SLC2A9: variants seen among roughly 807,000 people sequenced by gnomAD.
The protein encoded by SLC2A9 is solute carrier family 2, facilitated glucose transporter member 9.
In SLC2A9, 39 loss-of-function variants were observed where a neutral mutation model predicts 50.6. That is an observed-to-expected ratio of 0.77 (90% confidence interval 0.60 to 1.01). The LOEUF is 1.01. SLC2A9 is among the 50% of genes least tolerant of loss of function. SLC2A9 has a pLI of 0.00. For synonymous variants in SLC2A9, 324 were observed against 276.9 expected (o/e 1.17, Z -1.69); for missense variants, 686 against 677.6 (o/e 1.01, Z -0.14).
At chr4:9,866,744 G>A (rs1212290531) in intron 10 of SLC2A9, among the ~76,000 whole-genome samples, 4 of 152,148 alleles carry the variant, frequency 2.6e-5, no homozygotes, top group Non-Finnish European at 5.9e-5. Flanking sequence ...CCATGCGTGT[G>A]AGCTGCATCT....
intron 3 of SLC2A9, among the ~76,000 whole-genome samples, chr4:9,801,584 G>A (rs930766381): frequency 1.6e-4 from 24 of 152,094 alleles, no homozygotes; most frequent in African/African-American, 4.1e-4. Context: ...GGTGGTTCTC[G>A]CAGACATTAA....
chr4:9,832,113 T>G (rs1049159731), intron 11 of SLC2A9, among the ~76,000 whole-genome samples: 2 of 152,064 alleles, frequency 1.3e-5, no homozygotes, highest in Admixed American at 6.6e-5. Context: ...GAGGCCCGAG[T>G]AGATGAACAC....
chr4:9,880,789 G>A (rs1215333889), intron 10 of SLC2A9, among the ~76,000 whole-genome samples: 1 of 152,188 alleles, frequency 6.6e-6, no homozygotes, highest in African/African-American at 2.4e-5. Context: ...CTCATGACCT[G>A]CACTTATCAT....
chr4:9,958,557 G>A (rs1578085169), intron 5 of SLC2A9, among the ~76,000 whole-genome samples: 2 of 152,242 alleles, frequency 1.3e-5, no homozygotes, highest in East Asian at 1.9e-4. Flanking sequence ...GGGTTGATAG[G>A]TGCAACAAAC....
intron 3 of SLC2A9, among the ~76,000 whole-genome samples, chr4:9,786,463 A>G (rs1266922081): frequency 1.3e-5 from 2 of 152,178 alleles, no homozygotes; most frequent in Non-Finnish European, 2.9e-5. Context: ...TTCATTTATT[A>G]CTGAAATAGT....
upstream of SLC2A9, among the ~76,000 whole-genome samples, chr4:10,022,791 C>G (rs568793746): frequency 1.3e-5 from 2 of 152,304 alleles, no homozygotes; most frequent in African/African-American, 4.8e-5. Flanking sequence ...AAACGTCCGG[C>G]CCTGACATGC....
intron 7 of SLC2A9, among the ~76,000 whole-genome samples, chr4:9,917,920 T>C (rs1743181701): frequency 1.3e-5 from 2 of 152,066 alleles, no homozygotes; most frequent in Non-Finnish European, 2.9e-5. Flanking sequence ...TACACAGATA[T>C]GAGGCTGAGA....
At chr4:9,919,541 T>C (rs891104616) in intron 7 of SLC2A9, among the ~76,000 whole-genome samples, 2 of 138,096 alleles carry the variant, frequency 1.4e-5, no homozygotes, top group African/African-American at 5.7e-5. Context: ...TTATTTAGTA[T>C]AAATGCAAGC....
chr4:9,859,038 C>T lies in SLC2A9; in HGVS notation c.1292-24030G>A, dbSNP rs116574712. Among the ~76,000 whole-genome samples the T allele has an allele frequency of 3.9e-3, 594 of 152,276 alleles. 4 individuals are homozygous for T. The highest frequency in any genetic ancestry group is 0.013 in the African/African-American group (550 of 41,546). On this transcript the variant is annotated intron_variant, in intron 10 of 11. Coordinates refer to ENST00000264784, the MANE Select transcript of SLC2A9 (RefSeq NM_020041.3). Reference sequence around the variant, plus strand: ...ACACCAGTGGTTTGCCAGGGACTCTCGGGTCTTTGGCCACTGACTGAAGGG... The same window carrying T: ...ACACCAGTGGTTTGCCAGGGACTCTTGGGTCTTTGGCCACTGACTGAAGGG...
At position 9,891,796 on chromosome 4, in the gene SLC2A9, C is replaced by T. The variant is rs777088733; in HGVS notation, c.1114-1085G>A. Among the ~76,000 whole-genome samples the T allele has an allele frequency of 4.3e-4, 65 of 152,128 alleles. 1 individual carries two copies. Among genetic ancestry groups the T allele is most frequent in the Admixed American group, 2.6e-4 (4 of 15,276 alleles). ...ACAGAGATGTGGAGAGCTTGTCAGGCAGAGGGATTAGTGGGGGAAAAGGTT... is the reference window on the plus strand; with the variant it reads ...ACAGAGATGTGGAGAGCTTGTCAGGTAGAGGGATTAGTGGGGGAAAAGGTT... On this transcript the variant is annotated intron_variant, in intron 8 of 11. Coordinates refer to ENST00000264784, the MANE Select transcript of SLC2A9 (RefSeq NM_020041.3).
intron 7 of SLC2A9, among the ~76,000 whole-genome samples, chr4:9,911,401 C>G (rs1412975862): frequency 1.3e-5 from 2 of 152,134 alleles, no homozygotes; most frequent in African/African-American, 2.4e-5. Context: ...TCAGCTTTAC[C>G]TCTGCTCACA....
intron 8 of SLC2A9, among the ~76,000 whole-genome samples, chr4:9,901,469 C>G (rs1739600892): frequency 6.6e-6 from 1 of 152,174 alleles, no homozygotes; most frequent in Non-Finnish European, 1.5e-5. Context: ...AACGCTGTTT[C>G]TACCCTTGTC....
intron 10 of SLC2A9, among the ~76,000 whole-genome samples, chr4:9,864,771 A>G (rs2109428202): frequency 6.6e-6 from 1 of 152,354 alleles, no homozygotes. Context: ...AGCATAAAGG[A>G]TGCTGTGGTA....
chr4:9,925,808 C>T (rs994943637), intron 6 of SLC2A9, among the ~76,000 whole-genome samples: 1 of 152,092 alleles, frequency 6.6e-6, no homozygotes, highest in Non-Finnish European at 1.5e-5. Flanking sequence ...GCTGAGCAAA[C>T]AGGAACAGAG....
intron 4 of SLC2A9, among the ~76,000 whole-genome samples, chr4:9,981,332 G>GA (rs1755828372): frequency 4.9e-4 from 3 of 6,064 alleles, no homozygotes; most frequent in African/African-American, 1.1e-3. Context: ...TAGTGATGGT[G>GA]TGGTGGTGGT....
chr4:9,890,672 T>C lies in SLC2A9; in HGVS notation c.1153A>G (p.Ile385Val), dbSNP rs1401721654. The change falls in exon 9 of 12, where the codon ATT becomes GTT. Residue 385 changes from isoleucine (I) to valine (V), a missense_variant. Transcript: ENST00000264784. Reference sequence around the variant, plus strand: ...AGGCCCATGAGCCCAAAGCCACCAATGAGGAGGGGTCTCCGTCCCAGGTGC... The same window carrying C: ...AGGCCCATGAGCCCAAAGCCACCAACGAGGAGGGGTCTCCGTCCCAGGTGC... ...IEHLGRRPLLIGGFGLMGLFF... is the reference protein window; with the variant it reads ...IEHLGRRPLLVGGFGLMGLFF... The C allele has an allele frequency of 3.7e-6, 6 of 1,614,070 alleles. No individual in the cohort carries two copies. In the Admixed American group the frequency reaches 1.0e-4, roughly 27 times the overall value.
At chr4:9,888,862 G>A (rs1483365170) in intron 9 of SLC2A9, among the ~76,000 whole-genome samples, 3 of 152,142 alleles carry the variant, frequency 2.0e-5, no homozygotes, top group Admixed American at 2.0e-4. Flanking sequence ...GGGGTTGAGA[G>A]GAGCTTCATG....
At chr4:10,022,594 C>T (rs1474501318), upstream of SLC2A9, among the ~76,000 whole-genome samples, 1 of 152,230 alleles carries the variant, frequency 6.6e-6, no homozygotes, top group Admixed American at 6.5e-5. Context: ...GAGAGCAGTG[C>T]AGAGTCTGGG....
At chr4:9,903,767 C>G (rs1426418571) in intron 8 of SLC2A9, among the ~76,000 whole-genome samples, 1 of 148,922 alleles carries the variant, frequency 6.7e-6, no homozygotes, top group Non-Finnish European at 1.5e-5. Context: ...ACATATGTAA[C>G]TGTATATATA....
Sources: allele counts gnomAD v4.1 joint callset (sites outside exome capture counted in the v4.1 genomes callset), GRCh38; gene constraint gnomAD v4.1.1; transcripts MANE v1.5; gene names NCBI Gene and HGNC (gene_info 2026-07-23, HGNC 2026-07-21).